XKR6: variants seen among roughly 807,000 people sequenced by gnomAD.
XKR6 encodes the protein XK-related protein 6.
A neutral mutation model predicts 56.7 loss-of-function variants in XKR6; 22 were observed. The ratio of observed to expected loss-of-function variants is 0.39; its 90% CI spans 0.28 to 0.55. The LOEUF (loss-of-function observed/expected upper bound fraction) is 0.55. XKR6 is among the 20% of genes least tolerant of loss of function. The pLI, the probability that XKR6 is intolerant of heterozygous loss-of-function variation, is 0.66. For missense variants in XKR6, 852 were observed against 889.0 expected, an observed-to-expected ratio of 0.96 and a Z score of 0.53; for synonymous variants, 524 against 387.8, an observed-to-expected ratio of 1.35 and a Z score of -4.13.
chr8:10,953,614 A>G (rs1201326568), intron 1 of XKR6, among the ~76,000 whole-genome samples: 1 of 152,232 alleles, frequency 6.6e-6, no homozygotes, highest in African/African-American at 2.4e-5. Context: ...ATCTGCAACA[A>G]TTCAGTGGAT....
At chr8:10,933,151 T>C (rs1231583566) in intron 1 of XKR6, among the ~76,000 whole-genome samples, 10 of 144,854 alleles carry the variant, frequency 6.9e-5, no homozygotes, top group Non-Finnish European at 1.5e-5. Flanking sequence ...TGGCCAGTGA[T>C]GATGAGCATT....
chr8:10,984,358 C>T (rs746619017), intron 1 of XKR6, among the ~76,000 whole-genome samples: 22 of 152,146 alleles, frequency 1.4e-4, no homozygotes, highest in Non-Finnish European at 2.2e-4. Context: ...GGCTGTACCA[C>T]GCTTATTTGG....
intron 1 of XKR6, among the ~76,000 whole-genome samples, chr8:10,963,357 C>T (rs1802121742): frequency 6.6e-6 from 1 of 152,176 alleles, no homozygotes; most frequent in Non-Finnish European, 1.5e-5. Flanking sequence ...CCAAATGTTC[C>T]ACCTCCCCTT....
At chr8:10,903,458 T>C (rs547586309) in intron 2 of XKR6, among the ~76,000 whole-genome samples, 1 of 152,152 alleles carries the variant, frequency 6.6e-6, no homozygotes, top group Non-Finnish European at 1.5e-5. Flanking sequence ...AGCATCTACA[T>C]GCATTTTCTT....
chr8:10,940,597 G>C (rs1801359831), intron 1 of XKR6, among the ~76,000 whole-genome samples: 1 of 152,182 alleles, frequency 6.6e-6, no homozygotes. Context: ...GGCTGGTCCG[G>C]GAGCAGAGCT....
chr8:11,149,334 A>C (rs1801149905), intron 1 of XKR6, among the ~76,000 whole-genome samples: 1 of 152,238 alleles, frequency 6.6e-6, no homozygotes, highest in African/African-American at 2.4e-5. Context: ...CAAAATGGTA[A>C]GTATTTGTTT....
chr8:10,923,181 C>G (rs929480985), intron 2 of XKR6, among the ~76,000 whole-genome samples: 13 of 152,248 alleles, frequency 8.5e-5, no homozygotes, highest in Admixed American at 8.5e-4. Flanking sequence ...TTCCTGAAGC[C>G]TTGTCAAAGG....
chr8:10,929,531 A>C (rs1358796092), intron 1 of XKR6, among the ~76,000 whole-genome samples: 2 of 152,218 alleles, frequency 1.3e-5, no homozygotes, highest in Admixed American at 6.5e-5. Context: ...TTCTGAACTC[A>C]GTCCAACTTG....
chr8:11,190,119 C>T (rs572138417), intron 1 of XKR6, among the ~76,000 whole-genome samples: 3 of 148,992 alleles, frequency 2.0e-5, no homozygotes, highest in East Asian at 4.0e-4. Context: ...ATCGCGCCAC[C>T]GCACTCCAGC....
intron 1 of XKR6, among the ~76,000 whole-genome samples, chr8:11,177,533 G>A (rs1440585214): frequency 6.6e-6 from 1 of 152,172 alleles, no homozygotes; most frequent in African/African-American, 2.4e-5. Context: ...TTTGGAAATA[G>A]GGTCACTGTA....
At chr8:10,994,368 G>A (rs1408237221) in intron 1 of XKR6, among the ~76,000 whole-genome samples, 1 of 152,244 alleles carries the variant, frequency 6.6e-6, no homozygotes, top group Non-Finnish European at 1.5e-5. Flanking sequence ...GCATCCTCTG[G>A]ATGTGACACC....
chr8:11,087,975 C>T (rs982866025), intron 1 of XKR6, among the ~76,000 whole-genome samples: 1 of 152,214 alleles, frequency 6.6e-6, no homozygotes, highest in African/African-American at 2.4e-5. Flanking sequence ...AAACAACTTG[C>T]ACCTGATTTG....
chr8:11,108,382 T>A, intron 1 of XKR6: 1 of 455,508 alleles, frequency 2.2e-6, no homozygotes. Flanking sequence ...ACGCTGTAAA[T>A]CTGATACCCC....
chr8:11,180,445 G>A (rs1442236025), intron 1 of XKR6, among the ~76,000 whole-genome samples: 1 of 152,254 alleles, frequency 6.6e-6, no homozygotes, highest in Non-Finnish European at 1.5e-5. Context: ...CTAGATGCCA[G>A]TAGCACCCCT....
At chr8:11,115,310 A>T (rs1033908276) in intron 1 of XKR6, among the ~76,000 whole-genome samples, 9 of 152,222 alleles carry the variant, frequency 5.9e-5, no homozygotes, top group Admixed American at 5.9e-4. Context: ...TCCCAAACAT[A>T]ATGCCTCAGG....
At chr8:11,071,439 T>C (rs1431304061) in intron 1 of XKR6, among the ~76,000 whole-genome samples, 1 of 148,270 alleles carries the variant, frequency 6.7e-6, no homozygotes, top group African/African-American at 2.5e-5. Flanking sequence ...CAGGGTTTCA[T>C]ACAACCTCAT....
chr8:10,940,193 G>A (rs1025158284), intron 1 of XKR6, among the ~76,000 whole-genome samples: 10 of 152,202 alleles, frequency 6.6e-5, no homozygotes, highest in East Asian at 3.8e-4. Context: ...GGGAGAGGGA[G>A]AGACGGGGAG....
At chr8:10,991,831 T>G (rs1022030164) in intron 1 of XKR6, among the ~76,000 whole-genome samples, 2 of 152,260 alleles carry the variant, frequency 1.3e-5, no homozygotes, top group African/African-American at 4.8e-5. Flanking sequence ...ACCATGTATC[T>G]AAATTGGAAT....
chr8:10,973,996 A>G (rs1802481017), intron 1 of XKR6, among the ~76,000 whole-genome samples: 1 of 152,160 alleles, frequency 6.6e-6, no homozygotes, highest in African/African-American at 2.4e-5. Flanking sequence ...TTTAAGTGGG[A>G]AATTAAAGTC....
Sources: gnomAD v4.1 joint callset for allele counts (sites outside exome capture counted in the v4.1 genomes callset) on GRCh38, gnomAD v4.1.1 for gene constraint, MANE v1.5 for transcripts, NCBI Gene and HGNC (gene_info 2026-07-23, HGNC 2026-07-21) for gene names.